The following NFATC1 variants were observed in gnomAD, a reference collection of about 807,000 sequenced individuals.
NFATC1 encodes the protein nuclear factor of activated T cells 1.
In NFATC1, 22 loss-of-function variants were observed where a neutral mutation model predicts 76.0. That is an observed-to-expected ratio of 0.29 (90% CI 0.21 to 0.41). The LOEUF (loss-of-function observed/expected upper bound fraction) is 0.41, where lower values mean the gene tolerates loss of function less well. Among genes scored for constraint, NFATC1 ranks in the 10% least tolerant of loss-of-function variants. NFATC1 has a pLI of 1.00. For missense variants in NFATC1, 1,357 were observed against 1,337.7 expected, an observed-to-expected ratio of 1.01 and a Z score of -0.23; for synonymous variants, 704 against 613.1, an observed-to-expected ratio of 1.15 and a Z score of -2.19.
intron 9 of NFATC1, chr18:79,516,015 C>T (rs957936888): frequency 3.3e-5 from 5 of 151,240 alleles, no homozygotes; most frequent in South Asian, 2.1e-4. Flanking sequence ...CGGTGGGGGG[C>T]GGAAGGACAG....
chr18:79,493,754 A>G (rs2089773225), intron 9 of NFATC1: 1 of 152,254 alleles, frequency 6.6e-6, no homozygotes, highest in Non-Finnish European at 1.5e-5. Context: ...CAACGTCGTT[A>G]CCGTCGCAGA....
intron 9 of NFATC1, among the ~76,000 whole-genome samples, chr18:79,506,287 G>A (rs892274934): frequency 6.6e-6 from 1 of 152,182 alleles, no homozygotes; most frequent in Non-Finnish European, 1.5e-5. Context: ...GGGCACCTGC[G>A]TGTCAGCCCC....
chr18:79,461,501 TA>T, intron 7 of NFATC1, 135 bp downstream of exon 7: 1 of 750,766 alleles, frequency 1.3e-6, no homozygotes, highest in Non-Finnish European at 2.2e-6. Context: ...CAAATAAAAA[TA>T]GTGCATAGAG....
intron 9 of NFATC1, among the ~76,000 whole-genome samples, chr18:79,502,284 G>A (rs1028928011): frequency 2.6e-5 from 4 of 152,130 alleles, no homozygotes; most frequent in Non-Finnish European, 1.5e-5. Context: ...AGTGGTGCTG[G>A]GACATTTGCC....
intron 2 of NFATC1, among the ~76,000 whole-genome samples, chr18:79,424,966 C>T (rs1249568852): frequency 2.8e-4 from 25 of 90,092 alleles, no homozygotes; most frequent in Middle Eastern, 0.011. Context: ...TCTGTCTCTC[C>T]GTCTCTGTCT....
chr18:79,473,929 C>T (rs942488850), intron 8 of NFATC1, among the ~76,000 whole-genome samples: 1 of 148,648 alleles, frequency 6.7e-6, no homozygotes, highest in Non-Finnish European at 1.5e-5. Flanking sequence ...TTCTCACGCT[C>T]ACTGTCGACA....
At chr18:79,400,385 A>G (rs768301459) in intron 1 of NFATC1, 17 of 1,044,518 alleles carry the variant, frequency 1.6e-5, no homozygotes, top group South Asian at 3.1e-5. Flanking sequence ...CCCCGGCCCG[A>G]CCCGCCATGA....
chr18:79,521,223 G>GT (rs2090548794), intron 9 of NFATC1, among the ~76,000 whole-genome samples: 1 of 74,710 alleles, frequency 1.3e-5, no homozygotes, highest in African/African-American at 4.6e-5. Flanking sequence ...GTCTGTGTGT[G>GT]GGGGGTGGAG....
chr18:79,436,244 C>T lies in NFATC1; in HGVS notation c.1386+2506C>T, dbSNP rs529575593. ...GGCTCATCGCACTGGCCTGGGGGCG[C>T]GAGGACGAGGCCGTGGGTAGTGGGC... is the stretch of plus-strand genomic sequence containing the variant. On this transcript the variant is annotated intron_variant, in intron 3 of 9. Coordinates refer to ENST00000427363, the MANE Select transcript of NFATC1 (RefSeq NM_001278669.2). 3.3e-5 allele frequency among the ~76,000 whole-genome samples: 5 copies of T among 152,338 alleles called. No individual in the cohort carries two copies. The South Asian group carries it at 8.3e-4, about 25-fold the overall frequency.
intron 3 of NFATC1, among the ~76,000 whole-genome samples, chr18:79,434,351 G>C (rs1219900627): frequency 6.6e-6 from 1 of 152,232 alleles, no homozygotes; most frequent in African/African-American, 2.4e-5. Context: ...CTCACACCTT[G>C]CGGGAAAGCC....
intron 8 of NFATC1, chr18:79,469,686 C>CA: frequency 1.0e-6 from 1 of 985,936 alleles, no homozygotes; most frequent in Non-Finnish European, 1.2e-6. Context: ...GCCAGGTTCC[C>CA]CAGGCTCACC....
chr18:79,518,463 C>T (rs1273859818), intron 9 of NFATC1, among the ~76,000 whole-genome samples: 2 of 152,190 alleles, frequency 1.3e-5, no homozygotes, highest in East Asian at 1.9e-4. Context: ...TTCTGATGGG[C>T]GGTAACTGAA....
At chr18:79,433,193 C>T (rs1286201158) in intron 2 of NFATC1, among the ~76,000 whole-genome samples, 1 of 152,226 alleles carries the variant, frequency 6.6e-6, no homozygotes, top group East Asian at 1.9e-4. Context: ...GGCAGCCACA[C>T]AGCTGGTTCA....
chr18:79,467,308 G>T (rs530177971), intron 7 of NFATC1, 142 bp from the exon 8 acceptor site: 1 of 740,302 alleles, frequency 1.4e-6, no homozygotes, highest in East Asian at 2.8e-5. Context: ...TGGAAACGCG[G>T]GGTTGCCGTG....
intron 9 of NFATC1, among the ~76,000 whole-genome samples, chr18:79,523,297 C>G (rs896433510): frequency 6.6e-6 from 1 of 152,210 alleles, no homozygotes. Context: ...AAACAGCGTT[C>G]AGGCCCTGGC....
In NFATC1 at chr18:79,529,089, C is replaced by T. The variant is rs936708512; in HGVS notation, c.*1512C>T. 1 of 152,344 alleles carries T rather than the reference C, an allele frequency of 6.6e-6. No individual in the cohort carries two copies. The highest frequency in any genetic ancestry group is 2.4e-5 in the African/African-American group (1 of 41,450). The allele number at this position is 152,344 out of a possible 1,614,324, so 9.4% of individuals were successfully genotyped here. On this transcript the variant is annotated 3_prime_UTR_variant, in exon 10 of 10. Transcript: ENST00000427363. ...CGTGCGCTCCGGCACAATCGCGTCT[C>T]TTGTGTCTCACTCACGGAAAGAAAC...
intron 2 of NFATC1, among the ~76,000 whole-genome samples, chr18:79,426,002 A>G (rs1179539041): frequency 1.3e-5 from 2 of 152,190 alleles, no homozygotes; most frequent in Non-Finnish European, 2.9e-5. Context: ...GCTGGAGCCC[A>G]GGAGTTTGAG....
chr18:79,492,776 A>G (rs1164759439), intron 9 of NFATC1, among the ~76,000 whole-genome samples: 1 of 149,624 alleles, frequency 6.7e-6, no homozygotes, highest in Non-Finnish European at 1.5e-5. Flanking sequence ...TGGAAGGCTG[A>G]GGCAGGAGAA....
intron 3 of NFATC1, among the ~76,000 whole-genome samples, chr18:79,444,347 G>A (rs1402145658): frequency 2.6e-5 from 4 of 152,166 alleles, no homozygotes; most frequent in Non-Finnish European, 5.9e-5. Context: ...TGGCGTCCCC[G>A]TTCCTCCCGT....
Sources: allele counts gnomAD v4.1 joint callset (sites outside exome capture counted in the v4.1 genomes callset), GRCh38; gene constraint gnomAD v4.1.1; transcripts MANE v1.5; gene names NCBI Gene and HGNC (gene_info 2026-07-23, HGNC 2026-07-21).